Variants in GALNT18 observed in about 807,000 individuals in gnomAD.
The protein encoded by GALNT18 is GalNAc-transferase 18.
GALNT18 carries 44 observed loss-of-function variants against 69.5 expected under a neutral mutation model. The observed-to-expected ratio is 0.63, with a 90% CI of 0.50 to 0.81. The LOEUF (loss-of-function observed/expected upper bound fraction) is 0.81, where lower values mean the gene tolerates loss of function less well. Ranked by LOEUF, GALNT18 falls within the 40% of genes least tolerant of loss-of-function variation. The pLI is 0.00. For missense variants in GALNT18, 715 were observed against 810.0 expected, an observed-to-expected ratio of 0.88 and a Z score of 1.42; for synonymous variants, 364 against 318.2, an observed-to-expected ratio of 1.14 and a Z score of -1.53.
intron 2 of GALNT18, among the ~76,000 whole-genome samples, chr11:11,438,498 T>C (rs1479172379): frequency 6.6e-6 from 1 of 152,232 alleles, no homozygotes; most frequent in Non-Finnish European, 1.5e-5. Flanking sequence ...TTCCCCATTT[T>C]ATTCCTTTCT....
At chr11:11,449,243 C>T (rs142167761) in intron 1 of GALNT18, among the ~76,000 whole-genome samples, 31 of 152,328 alleles carry the variant, frequency 2.0e-4, no homozygotes, top group African/African-American at 6.7e-4. Context: ...TTTCCCCAGT[C>T]TGCCTCCCTG....
rs146487542 is a variant in GALNT18 at position 11,289,597 on chromosome 11, C to T, written c.1677+3432G>A. 1.9e-4 allele frequency among the ~76,000 whole-genome samples: 29 copies of T among 152,318 alleles called. No individual in the cohort carries two copies. The East Asian group carries it at 5.0e-3, about 26-fold the overall frequency. On this transcript the variant is annotated intron_variant, in intron 10 of 10. Coordinates refer to ENST00000227756, the MANE Select transcript of GALNT18 (RefSeq NM_198516.3). ...AACAGTGTTTCCTTCTCTGCCATAGCCAGGATGGACAGACAAGATGGGAGG... is the reference window on the plus strand; with the variant it reads ...AACAGTGTTTCCTTCTCTGCCATAGTCAGGATGGACAGACAAGATGGGAGG...
At position 11,483,734 on chromosome 11, in the gene GALNT18, C is replaced by T. The variant is rs527952832; in HGVS notation, c.236-34798G>A. On this transcript the variant is annotated intron_variant, in intron 1 of 10. Coordinates refer to ENST00000227756, the MANE Select transcript of GALNT18 (RefSeq NM_198516.3). Reference sequence around the variant, plus strand: ...ATGGCAGAAGGCTCTAAAGGCAGCCCTTGGTGACGCTAATGAGCTGTGGGA... The same window carrying T: ...ATGGCAGAAGGCTCTAAAGGCAGCCTTTGGTGACGCTAATGAGCTGTGGGA... Among the ~76,000 whole-genome samples the T allele has an allele frequency of 3.3e-5, 5 of 152,258 alleles. No individual in the cohort carries two copies. In the East Asian group the frequency reaches 5.8e-4, roughly 18 times the overall value.
At chr11:11,427,596 C>T (rs1855162659) in intron 3 of GALNT18, among the ~76,000 whole-genome samples, 1 of 152,158 alleles carries the variant, frequency 6.6e-6, no homozygotes, top group Non-Finnish European at 1.5e-5. Context: ...TTATACATCT[C>T]AATTTTACAG....
chr11:11,283,661 C>T (rs929341202), intron 10 of GALNT18, among the ~76,000 whole-genome samples: 3 of 152,192 alleles, frequency 2.0e-5, no homozygotes, highest in African/African-American at 7.2e-5. Flanking sequence ...GCTGGCCCCT[C>T]CCTCTGTGGA....
At chr11:11,352,829 C>T (rs1850444558) in intron 6 of GALNT18, 7 of 1,614,186 alleles carry the variant, frequency 4.3e-6, no homozygotes, top group Non-Finnish European at 5.9e-6. Flanking sequence ...CAATGTCTGC[C>T]AGTGTGATGA....
At chr11:11,353,006 G>A (rs747454833) in intron 6 of GALNT18, 5 of 1,614,064 alleles carry the variant, frequency 3.1e-6, no homozygotes, top group Non-Finnish European at 4.2e-6. Context: ...CCAGCTGGTA[G>A]TCATCTTGAT....
At chr11:11,607,761 G>A (rs1387433021) in intron 1 of GALNT18, among the ~76,000 whole-genome samples, 1 of 151,994 alleles carries the variant, frequency 6.6e-6, no homozygotes, top group Non-Finnish European at 1.5e-5. Context: ...TAGAAGAGAG[G>A]GAAAAATCTG....
intron 1 of GALNT18, among the ~76,000 whole-genome samples, chr11:11,615,221 T>A (rs971601853): frequency 4.6e-5 from 7 of 152,198 alleles, no homozygotes; most frequent in Non-Finnish European, 8.8e-5. Flanking sequence ...ACGAGCCAAT[T>A]CTAAGTAACA....
rs542846137 is a variant in GALNT18, at chr11:11,564,955, C to A, written c.235+56404G>T. Among the ~76,000 whole-genome samples the A allele has an allele frequency of 9.2e-5, 14 of 152,300 alleles. No individual in the cohort carries two copies. Among genetic ancestry groups the A allele is most frequent in the African/African-American group, 3.1e-4 (13 of 41,552 alleles). Reference sequence around the variant, plus strand: ...TCTATTGGACAGCCCTGATCTAGACCCTAACCCCAAACTCCAGCACTGCAG... The same window carrying A: ...TCTATTGGACAGCCCTGATCTAGACACTAACCCCAAACTCCAGCACTGCAG... On this transcript the variant is annotated intron_variant, in intron 1 of 10. Transcript: ENST00000227756. The surrounding 1 kb of genome is among the most constrained non-coding windows in gnomAD (Gnocchi z 4.3).
Position 11,586,008 on chromosome 11 carries a change from A to G in GALNT18, c.235+35351T>C, listed in dbSNP as rs1031535643. Among the ~76,000 whole-genome samples the G allele has an allele frequency of 6.6e-6, 1 of 152,138 alleles. No individual in the cohort carries two copies. The highest frequency in any genetic ancestry group is 1.5e-5 in the Non-Finnish European group (1 of 68,014). ...GAAAGAGAGCCCAGAGAGCTTTCTT[A>G]TCTCTTCCACCATGTTAGGATGGAA... On this transcript the variant is annotated intron_variant, in intron 1 of 10. Transcript: ENST00000227756. This position sits in a 1 kb window ranked among gnomAD's most constrained non-coding sequence, Gnocchi z 4.1.
At chr11:11,464,474 G>A (rs895108300) in intron 1 of GALNT18, among the ~76,000 whole-genome samples, 3 of 152,190 alleles carry the variant, frequency 2.0e-5, no homozygotes, top group African/African-American at 7.2e-5. Context: ...CTTCAGGAAG[G>A]AGGCATGGGC....
chr11:11,326,877 C>T (rs1849930887), intron 9 of GALNT18, among the ~76,000 whole-genome samples: 1 of 152,198 alleles, frequency 6.6e-6, no homozygotes, highest in South Asian at 2.1e-4. Context: ...AGCATCCACT[C>T]CCTCAGCTTC....
intron 1 of GALNT18, among the ~76,000 whole-genome samples, chr11:11,489,543 G>GAT (rs1260768347): frequency 6.6e-6 from 1 of 152,204 alleles, no homozygotes; most frequent in East Asian, 1.9e-4. Context: ...CTAGAGAGAA[G>GAT]ATAGAATCAG....
Position 11,590,593 on chromosome 11 carries a change from AT to A in GALNT18, c.235+30765del, listed in dbSNP as rs1247510757. Among the ~76,000 whole-genome samples the A allele has an allele frequency of 3.3e-5, 5 of 152,190 alleles. No individual in the cohort carries two copies. Among genetic ancestry groups the A allele is most frequent in the Non-Finnish European group, 7.3e-5 (5 of 68,034 alleles). ...AACTTGCTTTTGAATCTGTTTCCTC[AT>A]TGATAAAATGAGCATGTTACTGTCT... On this transcript the variant is annotated intron_variant, in intron 1 of 10. Coordinates refer to ENST00000227756, the MANE Select transcript of GALNT18 (RefSeq NM_198516.3). This position sits in a 1 kb window ranked among gnomAD's most constrained non-coding sequence, Gnocchi z 4.4.
At chr11:11,441,839 C>A (rs539699244) in intron 2 of GALNT18, among the ~76,000 whole-genome samples, 1 of 152,186 alleles carries the variant, frequency 6.6e-6, no homozygotes, top group African/African-American at 2.4e-5. Context: ...AAGGAAAATG[C>A]AGTGCCCTGT....
At position 11,512,940 on chromosome 11, in the gene GALNT18, G is replaced by T. The variant is rs1293841318; in HGVS notation, c.236-64004C>A. 2.0e-5 allele frequency among the ~76,000 whole-genome samples: 3 copies of T among 152,222 alleles called. No homozygotes were observed. In the East Asian group the frequency reaches 5.8e-4, roughly 29 times the overall value. ...GTGTGTGTCTGTGTGCGTGGTACCT[G>T]TGCGTGTGCATCTGTGTACTTACAC... On this transcript the variant is annotated intron_variant, in intron 1 of 10. Coordinates refer to ENST00000227756, the MANE Select transcript of GALNT18 (RefSeq NM_198516.3).
At chr11:11,289,992 G>A (rs979389398) in intron 10 of GALNT18, among the ~76,000 whole-genome samples, 3 of 152,184 alleles carry the variant, frequency 2.0e-5, no homozygotes, top group Admixed American at 1.3e-4. Flanking sequence ...ACCCATGTCT[G>A]GATGACACCA....
At chr11:11,424,914 G>A (rs1401373364) in intron 3 of GALNT18, among the ~76,000 whole-genome samples, 1 of 152,130 alleles carries the variant, frequency 6.6e-6, no homozygotes, top group African/African-American at 2.4e-5. Context: ...CATGCCCACA[G>A]ATAGTGCAGA....
Sources: gnomAD v4.1 joint callset for allele counts (sites outside exome capture counted in the v4.1 genomes callset) on GRCh38, gnomAD v4.1.1 for gene constraint, Gnocchi (gnomAD v3.1) non-coding constraint, MANE v1.5 for transcripts, NCBI Gene and HGNC (gene_info 2026-07-23, HGNC 2026-07-21) for gene names.